The following INSL6 variants were observed in gnomAD, a reference collection of about 807,000 sequenced individuals.
The protein encoded by INSL6 is insulin like 6.
Under a neutral mutation model 9.4 loss-of-function variants are expected in INSL6, and 16 were observed. The ratio of observed to expected loss-of-function variants is 1.70; its 90% CI spans 1.15 to 2.59. The LOEUF is 2.59. Ranked by LOEUF, INSL6 falls within the 30% of genes most tolerant of loss-of-function variation. INSL6 has a pLI of 0.00. For missense variants in INSL6, 391 were observed against 257.3 expected (o/e 1.52, Z -3.56); for synonymous variants, 154 against 96.9 (o/e 1.59, Z -3.46).
chr9:5,066,993 T>C, the INSL6 span, among the ~76,000 whole-genome samples: 16 of 152,116 alleles, frequency 1.1e-4, no homozygotes, highest in Admixed American at 7.2e-4. Flanking sequence ...TAAAATAATT[T>C]ATAATGTCTA....
the INSL6 span, among the ~76,000 whole-genome samples, chr9:5,074,617 C>T: frequency 2.0e-5 from 3 of 152,232 alleles, no homozygotes; most frequent in Non-Finnish European, 4.4e-5. Flanking sequence ...AGCCATTCCT[C>T]TGTCTCTCTC....
At chr9:5,058,907 T>C in the INSL6 span, among the ~76,000 whole-genome samples, 130 of 152,286 alleles carry the variant, frequency 8.5e-4, no homozygotes, top group African/African-American at 3.0e-3. Flanking sequence ...ATTATAGAAA[T>C]TATTTATGTA....
the INSL6 span, among the ~76,000 whole-genome samples, chr9:5,095,589 T>C: frequency 3.9e-5 from 6 of 152,158 alleles, no homozygotes; most frequent in Non-Finnish European, 8.8e-5. Flanking sequence ...CCCAGGGAAC[T>C]TCTCTAATGT....
the INSL6 span, among the ~76,000 whole-genome samples, chr9:5,014,890 T>C: frequency 6.6e-6 from 1 of 152,142 alleles, no homozygotes; most frequent in Non-Finnish European, 1.5e-5. Flanking sequence ...CCATTGTGTA[T>C]TGTATTTTGG....
At chr9:5,058,956 A>C in the INSL6 span, among the ~76,000 whole-genome samples, 7 of 152,244 alleles carry the variant, frequency 4.6e-5, no homozygotes, top group Admixed American at 4.6e-4. Context: ...ATGATTTGCA[A>C]ATATTTTCTC....
chr9:5,138,927 T>G (rs947483174), intron 2 of INSL6, among the ~76,000 whole-genome samples: 1 of 151,922 alleles, frequency 6.6e-6, no homozygotes, highest in Non-Finnish European at 1.5e-5. Context: ...ATAATAATCC[T>G]CTCAAGAAAA....
downstream of INSL6, among the ~76,000 whole-genome samples, chr9:5,122,841 G>A (rs576466577): frequency 3.5e-5 from 5 of 142,068 alleles, no homozygotes; most frequent in South Asian, 1.1e-3. Context: ...AAGTTCACAG[G>A]TGCCAGGCAA....
At chr9:5,046,921 A>C in the INSL6 span, among the ~76,000 whole-genome samples, 1 of 152,122 alleles carries the variant, frequency 6.6e-6, no homozygotes, top group Admixed American at 6.5e-5. Flanking sequence ...GTTTTCCCAA[A>C]CTATTCATTC....
At chr9:5,092,278 G>A in the INSL6 span, among the ~76,000 whole-genome samples, 1 of 152,034 alleles carries the variant, frequency 6.6e-6, no homozygotes, top group Non-Finnish European at 1.5e-5. Context: ...ATAAGGCCAC[G>A]AAGCACGCAC....
the INSL6 span, among the ~76,000 whole-genome samples, chr9:5,009,794 A>G: frequency 2.0e-5 from 3 of 150,482 alleles, no homozygotes. Context: ...TTTTGCAGTC[A>G]CAGTCTTGCT....
chr9:5,163,500 AT>A (rs1824971631), downstream of INSL6, among the ~76,000 whole-genome samples: 1 of 152,200 alleles, frequency 6.6e-6, no homozygotes, highest in Non-Finnish European at 1.5e-5. Flanking sequence ...TTGATTCGTT[AT>A]TTTTAAGTTG....
At chr9:5,028,808 C>A in the INSL6 span, among the ~76,000 whole-genome samples, 1 of 152,156 alleles carries the variant, frequency 6.6e-6, no homozygotes, top group Non-Finnish European at 1.5e-5. Context: ...CTCTCTCAGC[C>A]TTCACAGGTT....
At chr9:5,043,632 A>AAACTTGTAC in the INSL6 span, among the ~76,000 whole-genome samples, 1 of 152,240 alleles carries the variant, frequency 6.6e-6, no homozygotes, top group Non-Finnish European at 1.5e-5. Context: ...ATATCCACAA[A>AAACTTGTAC]AACTTGTACA....
chr9:5,100,049 T>C, the INSL6 span: 3 of 152,240 alleles, frequency 2.0e-5, no homozygotes, highest in East Asian at 3.8e-4. Context: ...GCCAACATTA[T>C]AGTCAGTCAT....
At chr9:5,073,660 G>C in the INSL6 span, 10 of 1,474,878 alleles carry the variant, frequency 6.8e-6, no homozygotes, top group Non-Finnish European at 8.5e-6. Context: ...ATGGACAACA[G>C]TCAAACAACA....
chr9:5,169,060 G>A (rs1825123445), intron 1 of INSL6, among the ~76,000 whole-genome samples: 1 of 151,888 alleles, frequency 6.6e-6, no homozygotes, highest in Non-Finnish European at 1.5e-5. Flanking sequence ...CCAAGTCCCT[G>A]GGATTAGAGG....
chr9:5,031,111 G>C, the INSL6 span, among the ~76,000 whole-genome samples: 4 of 152,086 alleles, frequency 2.6e-5, no homozygotes, highest in Admixed American at 1.3e-4. Context: ...CATTGGAATG[G>C]GGAGATGGAA....
At chr9:5,036,661 G>A in the INSL6 span, among the ~76,000 whole-genome samples, 3 of 152,212 alleles carry the variant, frequency 2.0e-5, no homozygotes, top group Non-Finnish European at 4.4e-5. Context: ...CTAGCCATGT[G>A]TAGAAAGCTG....
the INSL6 span, among the ~76,000 whole-genome samples, chr9:5,028,754 C>A: frequency 2.6e-5 from 4 of 152,192 alleles, no homozygotes; most frequent in Non-Finnish European, 4.4e-5. Flanking sequence ...ACCTCATGAA[C>A]CAGCCTCTAC....
Sources: gnomAD v4.1 joint callset for allele counts (sites outside exome capture counted in the v4.1 genomes callset) on GRCh38, gnomAD v4.1.1 for gene constraint, MANE v1.5 for transcripts, NCBI Gene and HGNC (gene_info 2026-07-23, HGNC 2026-07-21) for gene names.